The following FCHSD2 variants were observed in gnomAD, a reference collection of about 807,000 sequenced individuals.
The protein encoded by FCHSD2 is FCH and double SH3 domains 2, also known as F-BAR and double SH3 domains protein 2.
A neutral mutation model predicts 108.1 loss-of-function variants in FCHSD2; 38 were observed. The observed-to-expected ratio is 0.35, with a 90% CI of 0.27 to 0.46. The LOEUF is 0.46. Ranked by LOEUF, FCHSD2 falls within the 20% of genes least tolerant of loss-of-function variation. The pLI is 1.00. For missense variants in FCHSD2, 751 were observed against 897.8 expected (o/e 0.84, Z 2.09); for synonymous variants, 279 against 314.7 (o/e 0.89, Z 1.20).
chr11:72,900,229 T>TA, intron 10 of FCHSD2: 1 of 530,604 alleles, frequency 1.9e-6, no homozygotes, highest in Non-Finnish European at 3.6e-6. Flanking sequence ...TTCCCATCCC[T>TA]CCCGCCCTTG....
chr11:73,045,253 A>C (rs1447958387), intron 3 of FCHSD2, among the ~76,000 whole-genome samples: 1 of 151,788 alleles, frequency 6.6e-6, no homozygotes, highest in African/African-American at 2.4e-5. Flanking sequence ...GCGATCATTA[A>C]AAAGTCAGGA....
At chr11:72,951,767 C>A (rs10793054) in intron 8 of FCHSD2, among the ~76,000 whole-genome samples, 52,916 of 151,854 alleles carry the variant, frequency 0.35, 9,702 homozygotes, top group East Asian at 0.55. Context: ...GTTATTTTCC[C>A]ATTGATTTGA....
chr11:72,860,308 C>A (rs1044438034), intron 13 of FCHSD2, among the ~76,000 whole-genome samples: 1 of 152,080 alleles, frequency 6.6e-6, no homozygotes, highest in African/African-American at 2.4e-5. Context: ...AGAACATAAC[C>A]CCTAACAATA....
chr11:72,968,439 G>A (rs1025455204), intron 8 of FCHSD2, among the ~76,000 whole-genome samples: 1 of 152,184 alleles, frequency 6.6e-6, no homozygotes, highest in African/African-American at 2.4e-5. Flanking sequence ...CTGTAGTTAT[G>A]TCTTGATGTC....
At chr11:72,911,312 G>C (rs772140601) in intron 9 of FCHSD2, among the ~76,000 whole-genome samples, 5 of 152,160 alleles carry the variant, frequency 3.3e-5, no homozygotes, top group Admixed American at 1.3e-4. Context: ...AGGTAGATTT[G>C]ATTCTGGGTT....
chr11:73,006,702 C>T, intron 4 of FCHSD2, among the ~76,000 whole-genome samples: 1 of 152,256 alleles, frequency 6.6e-6, no homozygotes, highest in Non-Finnish European at 1.5e-5. Flanking sequence ...ATGCTTACTG[C>T]TCTTACCGCC....
At position 73,132,449 on chromosome 11, in the gene FCHSD2, G is replaced by A. The variant is rs577702522; in HGVS notation, c.119+7582C>T. 3.3e-5 allele frequency among the ~76,000 whole-genome samples: 5 copies of A among 152,322 alleles called. No individual in the cohort carries two copies. In the South Asian group the frequency reaches 1.0e-3, roughly 32 times the overall value. On this transcript the variant is annotated intron_variant, in intron 2 of 19. Coordinates refer to ENST00000409418, the MANE Select transcript of FCHSD2 (RefSeq NM_014824.3). ...AAGATTACCCAGCTAATAAGCAGCA[G>A]AGCTGGGTTTCAATCTACGGCCTAC...
chr11:73,079,510 A>C (rs1442219482), intron 3 of FCHSD2, among the ~76,000 whole-genome samples: 1 of 152,018 alleles, frequency 6.6e-6, no homozygotes, highest in African/African-American at 2.4e-5. Flanking sequence ...GAAGTAAATA[A>C]TTTAAATAAT....
At chr11:72,903,656 C>T (rs946375272) in intron 9 of FCHSD2, among the ~76,000 whole-genome samples, 1 of 151,370 alleles carries the variant, frequency 6.6e-6, no homozygotes, top group Admixed American at 6.6e-5. Flanking sequence ...CAAAAAACCC[C>T]ACTTTCTATT....
chr11:72,902,528 C>G lies in FCHSD2; in HGVS notation c.924+15G>C. 6.6e-7 allele frequency: 1 copy of G among 1,519,468 alleles called. No homozygotes were observed. Among genetic ancestry groups the G allele is most frequent in the Non-Finnish European group, 9.0e-7 (1 of 1,114,354 alleles). 94.1% of individuals were successfully genotyped at this position (1,519,468 alleles called of 1,614,324 possible). A position where few individuals can be genotyped will look rare whatever the true frequency, so the allele number is the denominator to read the frequency against. On this transcript the variant is annotated intron_variant, in intron 10 of 19. Coordinates refer to ENST00000409418, the MANE Select transcript of FCHSD2 (RefSeq NM_014824.3). ...ACTGAACAACACATGAAATGAAAAT[C>G]TATAATTCCCTTACAGTATCACTGT... is the stretch of plus-strand genomic sequence containing the variant.
intron 2 of FCHSD2, among the ~76,000 whole-genome samples, chr11:73,119,178 T>C (rs1026389762): frequency 6.6e-6 from 1 of 151,832 alleles, no homozygotes; most frequent in African/African-American, 2.4e-5. Flanking sequence ...GGCACATGCC[T>C]GTAGTCCCAG....
intron 8 of FCHSD2, among the ~76,000 whole-genome samples, chr11:72,966,157 T>G (rs540279475): frequency 2.0e-5 from 3 of 150,578 alleles, no homozygotes; most frequent in African/African-American, 7.3e-5. Context: ...TATTCTTCTT[T>G]GAACTGAGCC....
At chr11:72,907,739 C>T (rs185914978) in intron 9 of FCHSD2, among the ~76,000 whole-genome samples, 2 of 151,722 alleles carry the variant, frequency 1.3e-5, no homozygotes, top group East Asian at 1.9e-4. Context: ...TACAGGCACC[C>T]GCCACCACGC....
At chr11:72,845,711 T>C (rs1217902987) in intron 14 of FCHSD2, among the ~76,000 whole-genome samples, 2 of 152,190 alleles carry the variant, frequency 1.3e-5, no homozygotes, top group African/African-American at 4.8e-5. Flanking sequence ...TGTTCTTCCT[T>C]GCCTCTGTGC....
chr11:72,978,130 G>A (rs1857142026), intron 8 of FCHSD2, among the ~76,000 whole-genome samples: 1 of 152,004 alleles, frequency 6.6e-6, no homozygotes, highest in African/African-American at 2.4e-5. Context: ...TTGGACACAG[G>A]GTGGGGAACA....
intron 7 of FCHSD2, 47 bp from the exon 8 acceptor site, chr11:72,984,263 T>G: frequency 6.3e-7 from 1 of 1,585,094 alleles, no homozygotes; most frequent in Non-Finnish European, 8.7e-7. Context: ...GATATTGTAC[T>G]GCAAAACACA....
intron 13 of FCHSD2, among the ~76,000 whole-genome samples, chr11:72,863,775 A>T (rs1377585196): frequency 6.6e-6 from 1 of 152,240 alleles, no homozygotes; most frequent in Non-Finnish European, 1.5e-5. Flanking sequence ...TTAAAATGAC[A>T]ATGATTTACA....
chr11:72,940,452 A>C lies in FCHSD2; in HGVS notation c.706-18502T>G, dbSNP rs565814250. 421 of 652,400 alleles carry C rather than the reference A, an allele frequency of 6.5e-4. 1 individual carries two copies. The highest frequency in any genetic ancestry group is 5.7e-4 in the Non-Finnish European group (209 of 365,186). The allele number at this position is 652,400 out of a possible 1,614,324, so 40.4% of individuals were successfully genotyped here. A position where few individuals can be genotyped will look rare whatever the true frequency, so the allele number is the denominator to read the frequency against. ...TAATATGTGGCAATAAATAGTAAATAAGCTATTTTCCTTTCTGTCTGGCAG... is the reference window on the plus strand; with the variant it reads ...TAATATGTGGCAATAAATAGTAAATCAGCTATTTTCCTTTCTGTCTGGCAG... On this transcript the variant is annotated intron_variant, in intron 8 of 19. Transcript: ENST00000409418.
At chr11:72,902,395 G>A in intron 10 of FCHSD2, 148 bp downstream of exon 10, 1 of 488,280 alleles carries the variant, frequency 2.0e-6, no homozygotes, top group Non-Finnish European at 3.6e-6. Context: ...GAAAAAAAAA[G>A]TCATAATTAT....
Sources: gnomAD v4.1 joint callset for allele counts (sites outside exome capture counted in the v4.1 genomes callset) on GRCh38, gnomAD v4.1.1 for gene constraint, MANE v1.5 for transcripts, NCBI Gene and HGNC (gene_info 2026-07-23, HGNC 2026-07-21) for gene names.